The following GALNT15 variants were observed in gnomAD, a reference collection of about 807,000 sequenced individuals.
GALNT15 encodes UDP-GalNAc transferase T15.
A neutral mutation model predicts 66.8 loss-of-function variants in GALNT15; 67 were observed. The observed-to-expected ratio is 1.00, with a 90% CI of 0.82 to 1.23. GALNT15 has a LOEUF of 1.23. Ranked by LOEUF, GALNT15 falls within the 50% of genes most tolerant of loss-of-function variation. The pLI, the probability that GALNT15 is intolerant of heterozygous loss-of-function variation, is 0.00. For missense variants in GALNT15, 827 were observed against 804.3 expected (o/e 1.03, Z -0.34); for synonymous variants, 313 against 311.5 (o/e 1.00, Z -0.05).
At chr3:16,242,691 A>G in the GALNT15 span, among the ~76,000 whole-genome samples, 1 of 152,160 alleles carries the variant, frequency 6.6e-6, no homozygotes, top group Non-Finnish European at 1.5e-5. The surrounding 1 kb of genome is among the most constrained non-coding windows in gnomAD (Gnocchi z 5.6). Context: ...AGGCAAGAAG[A>G]TCACTTGAGG....
At chr3:16,207,137 A>G (rs2063765427) in intron 3 of GALNT15, among the ~76,000 whole-genome samples, 1 of 152,224 alleles carries the variant, frequency 6.6e-6, no homozygotes, top group Admixed American at 6.5e-5. Context: ...TATGTCAGTT[A>G]CCTAAAGCCA....
chr3:16,193,270 G>A lies in GALNT15; in HGVS notation c.540-2490G>A. On this transcript the variant is annotated intron_variant, in intron 1 of 9. Transcript: ENST00000339732. This position sits in a 1 kb window ranked among gnomAD's most constrained non-coding sequence, Gnocchi z 4.7. ...CAGAGTCAAATTTAAATTCATTCTA[G>A]AAATACCTAGGCCCTTATAACCTAT... Among the ~76,000 whole-genome samples the A allele has an allele frequency of 6.6e-6, 1 of 152,140 alleles. No individual in the cohort carries two copies. The highest frequency in any genetic ancestry group is 1.9e-4 in the East Asian group (1 of 5,202).
chr3:16,195,790 GC>G lies in GALNT15; in HGVS notation c.573del (p.Thr192GlnfsTer32). The part of the protein sequence containing the change: ...CLQQHPQDSL[P>X]TASVILCFHD... ...TGCAGCAGCACCCTCAGGACAGCCT[GC>G]CCACAGCCAGCGTCATCCTCTGTTT... On this transcript the variant is annotated frameshift_variant, in exon 2 of 10. Coordinates refer to ENST00000339732, the MANE Select transcript of GALNT15 (RefSeq NM_054110.5). LOFTEE classifies it high-confidence loss of function. The surrounding 1 kb of genome is among the most constrained non-coding windows in gnomAD (Gnocchi z 4.6). 1 of 1,613,752 alleles carries G rather than the reference GC, an allele frequency of 6.2e-7. No individual in the cohort carries two copies. Among genetic ancestry groups the G allele is most frequent in the Non-Finnish European group, 8.5e-7 (1 of 1,179,782 alleles).
chr3:16,199,760 A>C (rs913462400), intron 2 of GALNT15, among the ~76,000 whole-genome samples: 1 of 152,160 alleles, frequency 6.6e-6, no homozygotes, highest in Non-Finnish European at 1.5e-5. Flanking sequence ...ATGGTCAGTC[A>C]TTGACCATGA....
chr3:16,207,046 C>A (rs1032294439), intron 3 of GALNT15, among the ~76,000 whole-genome samples: 17 of 152,274 alleles, frequency 1.1e-4, no homozygotes, highest in African/African-American at 3.6e-4. Flanking sequence ...CCTTTGCCTT[C>A]CAGCAGAAAC....
chr3:16,174,930 A>C lies in GALNT15; in HGVS notation c.-222A>C. The C allele has an allele frequency of 1.9e-6, 1 of 539,610 alleles. No individual in the cohort carries two copies. The highest frequency in any genetic ancestry group is 3.3e-6 in the Non-Finnish European group (1 of 304,212). The allele number at this position is 539,610 out of a possible 1,614,324, so 33.4% of individuals were successfully genotyped here. A position where few individuals can be genotyped will look rare whatever the true frequency, so the allele number is the denominator to read the frequency against. On this transcript the variant is annotated 5_prime_UTR_variant, in exon 1 of 10. Coordinates refer to ENST00000339732, the MANE Select transcript of GALNT15 (RefSeq NM_054110.5). The surrounding 1 kb of genome is among the most constrained non-coding windows in gnomAD (Gnocchi z 4.7). The stretch of plus-strand genomic sequence containing the variant: ...AGAAGGCAATTAAAGAAATCCACTC[A>C]GAGAGGACTTGGGGTGAAACTTGGG...
In GALNT15 at chr3:16,184,168, C is replaced by T. The variant is rs2063496317; in HGVS notation, c.539+8478C>T. ...CACTCAAAGGATGAACAAAGGAGGT[C>T]AGGGGTGGGGTTTTGGACACTTGAG... On this transcript the variant is annotated intron_variant, in intron 1 of 9. Transcript: ENST00000339732. The surrounding 1 kb of genome is among the most constrained non-coding windows in gnomAD (Gnocchi z 5.0). Among the ~76,000 whole-genome samples the T allele has an allele frequency of 6.6e-6, 1 of 152,180 alleles. No homozygotes were observed. The highest frequency in any genetic ancestry group is 1.5e-5 in the Non-Finnish European group (1 of 68,038).
chr3:16,242,595 C>CA, the GALNT15 span, among the ~76,000 whole-genome samples: 357 of 149,374 alleles, frequency 2.4e-3, no homozygotes, highest in South Asian at 7.8e-3. This position sits in a 1 kb window ranked among gnomAD's most constrained non-coding sequence, Gnocchi z 5.6. Context: ...CAATCTCTAC[C>CA]AAAAAAAAAT....
Position 16,175,395 on chromosome 3 carries a change from G to A in GALNT15, c.244G>A (p.Glu82Lys), listed in dbSNP as rs1404969949. 1.2e-6 allele frequency: 2 copies of A among 1,614,202 alleles called. No individual in the cohort carries two copies. The highest frequency in any genetic ancestry group is 2.2e-5 in the South Asian group (2 of 91,078). Reference protein sequence around the residue: ...EDEGEEYSPLEGLPPFISLRE... With the variant: ...EDEGEEYSPLKGLPPFISLRE... The stretch of plus-strand genomic sequence containing the variant: ...TGAGGGTGAAGAGTACAGCCCTCTG[G>A]AGGGCCTGCCACCCTTTATCTCACT... Residue 82 changes from glutamate (E) to lysine (K), a missense_variant, in exon 1 of 10, where the codon GAG (glutamate) becomes AAG (lysine). Transcript: ENST00000339732. The surrounding 1 kb of genome is among the most constrained non-coding windows in gnomAD (Gnocchi z 5.6).
downstream of GALNT15, among the ~76,000 whole-genome samples, chr3:16,232,921 C>T (rs921235803): frequency 6.6e-5 from 10 of 151,544 alleles, no homozygotes; most frequent in African/African-American, 4.9e-5. Flanking sequence ...GGCCAGAGAC[C>T]ACTGTCTGAG....
rs1011283552 is a variant in GALNT15, at chr3:16,183,291, G to A, written c.539+7601G>A. 1 of 152,272 alleles carries A rather than the reference G, an allele frequency of 6.6e-6. No homozygotes were observed. Among genetic ancestry groups the A allele is most frequent in the African/African-American group, 2.4e-5 (1 of 41,458 alleles). The allele number at this position is 152,272 out of a possible 1,614,324, so 9.4% of individuals were successfully genotyped here. A position where few individuals can be genotyped will look rare whatever the true frequency, so the allele number is the denominator to read the frequency against. ...CCAGCCCTTTCCTCCCATCTCTCTT[G>A]TCTGCAAGCTTCTTCATCCATTCTT... On this transcript the variant is annotated intron_variant, in intron 1 of 9. Transcript: ENST00000339732. The surrounding 1 kb of genome is among the most constrained non-coding windows in gnomAD (Gnocchi z 5.2).
chr3:16,194,164 C>T (rs78050989), intron 1 of GALNT15, among the ~76,000 whole-genome samples: 2,514 of 152,288 alleles, frequency 0.017, 74 homozygotes, highest in African/African-American at 0.057. Flanking sequence ...GCCTCCGTTT[C>T]CTTATCTGTA....
rs536965679 is a variant in GALNT15 at position 16,195,015 on chromosome 3, A to T, written c.540-745A>T. ...ATTTTAAAAAATAGTAAGTGCTAAC[A>T]TTTAAAAATTGTGTGCCAGGTGCTA... On this transcript the variant is annotated intron_variant, in intron 1 of 9. Transcript: ENST00000339732. This position sits in a 1 kb window ranked among gnomAD's most constrained non-coding sequence, Gnocchi z 4.6. Among the ~76,000 whole-genome samples the T allele has an allele frequency of 1.4e-4, 22 of 152,328 alleles. No individual in the cohort carries two copies. The highest frequency in any genetic ancestry group is 5.3e-4 in the African/African-American group (22 of 41,568).
At chr3:16,217,708 C>G (rs2063894486) in intron 6 of GALNT15, among the ~76,000 whole-genome samples, 1 of 152,156 alleles carries the variant, frequency 6.6e-6, no homozygotes, top group South Asian at 2.1e-4. Flanking sequence ...GCCTGCCCCT[C>G]ACTCAAGGTC....
Position 16,211,997 on chromosome 3 carries a change from T to C in GALNT15, c.1198-572T>C, listed in dbSNP as rs1020869806. ...TCATATGCTGCTTATCCTAGGACAG[T>C]ACTTCTACTTTAACCTTTATCCTCA... is the stretch of plus-strand genomic sequence containing the variant. On this transcript the variant is annotated intron_variant, in intron 5 of 9. Transcript: ENST00000339732. The surrounding 1 kb of genome is among the most constrained non-coding windows in gnomAD (Gnocchi z 4.3). Among the ~76,000 whole-genome samples, 1 of 152,202 alleles carries C rather than the reference T, an allele frequency of 6.6e-6. No homozygotes were observed. The highest frequency in any genetic ancestry group is 2.4e-5 in the African/African-American group (1 of 41,458).
intron 9 of GALNT15, among the ~76,000 whole-genome samples, chr3:16,223,712 G>T (rs2063973753): frequency 7.2e-6 from 1 of 138,292 alleles, no homozygotes. Flanking sequence ...TTTTTTTTTG[G>T]GACAGTGTCT....
intron 2 of GALNT15, 148 bp downstream of exon 2, chr3:16,196,074 TATGA>T (rs2063632402): frequency 1.3e-6 from 1 of 752,238 alleles, no homozygotes; most frequent in Admixed American, 2.8e-5. Context: ...GCAAGTAACT[TATGA>T]ATGAAGAGCC....
In GALNT15 at chr3:16,211,060, C is replaced by T. The variant is rs2063808146; in HGVS notation, c.1080-64C>T. 2 of 1,262,122 alleles carry T rather than the reference C, an allele frequency of 1.6e-6. No individual in the cohort carries two copies. The highest frequency in any genetic ancestry group is 2.3e-6 in the Non-Finnish European group (2 of 864,108). 78.2% of individuals were successfully genotyped at this position (1,262,122 alleles called of 1,614,324 possible). ...AGCTCCCACCTGGGAAGCCCCAGCC[C>T]CCAGCCTCGCCTGCTGTGCTCTGGG... On this transcript the variant is annotated intron_variant, in intron 4 of 9. Coordinates refer to ENST00000339732, the MANE Select transcript of GALNT15 (RefSeq NM_054110.5). This position sits in a 1 kb window ranked among gnomAD's most constrained non-coding sequence, Gnocchi z 4.3.
chr3:16,214,532 G>A (rs9878269), intron 6 of GALNT15, among the ~76,000 whole-genome samples: 24,052 of 152,102 alleles, frequency 0.16, 2,021 homozygotes, highest in East Asian at 0.22. Flanking sequence ...TAATACCATC[G>A]TTATTGTCAT....
Sources: gnomAD v4.1 joint callset for allele counts (sites outside exome capture counted in the v4.1 genomes callset) on GRCh38, gnomAD v4.1.1 for gene constraint, Gnocchi (gnomAD v3.1) non-coding constraint, MANE v1.5 for transcripts, NCBI Gene and HGNC (gene_info 2026-07-23, HGNC 2026-07-21) for gene names.